The following CCNY variants were observed in gnomAD, a reference collection of about 807,000 sequenced individuals.
The protein encoded by CCNY is cyclin Y, also known as cyclin-Y.
A neutral mutation model predicts 42.8 loss-of-function variants in CCNY; 19 were observed. That is an observed-to-expected ratio of 0.44 (90% CI 0.31 to 0.65). The LOEUF (loss-of-function observed/expected upper bound fraction) is 0.65. Among genes scored for constraint, CCNY ranks in the 30% least tolerant of loss-of-function variants. CCNY has a pLI of 0.07. For missense variants in CCNY, 370 were observed against 437.3 expected, an observed-to-expected ratio of 0.85 and a Z score of 1.37; for synonymous variants, 165 against 162.7, an observed-to-expected ratio of 1.01 and a Z score of -0.11.
At chr10:35,454,454 T>G (rs757667129) in intron 1 of CCNY, among the ~76,000 whole-genome samples, 2 of 152,188 alleles carry the variant, frequency 1.3e-5, no homozygotes, top group Non-Finnish European at 2.9e-5. Flanking sequence ...TCAACCAGGG[T>G]GAAATGCAGC....
intron 1 of CCNY, among the ~76,000 whole-genome samples, chr10:35,395,316 A>G (rs1837499957): frequency 6.6e-6 from 1 of 152,194 alleles, no homozygotes; most frequent in African/African-American, 2.4e-5. Flanking sequence ...TTACTCAGGA[A>G]AACTATTGCA....
At chr10:35,388,331 T>C (rs908435777) in intron 1 of CCNY, among the ~76,000 whole-genome samples, 9 of 152,230 alleles carry the variant, frequency 5.9e-5, no homozygotes, top group South Asian at 2.1e-4. Flanking sequence ...TGAACACTTA[T>C]ATATGTGGCA....
At chr10:35,538,118 T>C (rs1207373889) in intron 7 of CCNY, among the ~76,000 whole-genome samples, 1 of 152,230 alleles carries the variant, frequency 6.6e-6, no homozygotes, top group Non-Finnish European at 1.5e-5. Flanking sequence ...TCATTCTCTC[T>C]CTGCCTGCTG....
chr10:35,568,605 G>A (rs1841619287), intron 9 of CCNY, among the ~76,000 whole-genome samples: 1 of 152,210 alleles, frequency 6.6e-6, no homozygotes, highest in African/African-American at 2.4e-5. Context: ...AGCTGTCTTT[G>A]CCGCCAGCGG....
At chr10:35,322,670 A>G (rs1835834392) in intron 3 of CCNY, among the ~76,000 whole-genome samples, 1 of 152,234 alleles carries the variant, frequency 6.6e-6, no homozygotes, top group Non-Finnish European at 1.5e-5. Flanking sequence ...ACCCAACTAA[A>G]TTGGAAAAGA....
chr10:35,456,248 T>C (rs1839033353), intron 1 of CCNY, among the ~76,000 whole-genome samples: 2 of 152,190 alleles, frequency 1.3e-5, no homozygotes, highest in East Asian at 3.9e-4. Flanking sequence ...TCTGTGTCTG[T>C]CTCCCTCAGT....
Position 35,256,712 on chromosome 10 carries a change from CAG to C in CCNY, c.-9+6094_-9+6095del, listed in dbSNP as rs1188236932. On this transcript the variant is annotated intron_variant, in intron 3 of 11. Transcript: ENST00000374706. ...TGCCACTGAACTCCAGCCTGGGCGACAGAGAGAGACTCTGTCTCAAAAATAAA... is the reference window on the plus strand; with the variant it reads ...TGCCACTGAACTCCAGCCTGGGCGACAGAGAGACTCTGTCTCAAAAATAAA... 6.1e-5 allele frequency among the ~76,000 whole-genome samples: 9 copies of C among 147,980 alleles called. No homozygotes were observed. In the Admixed American group the frequency reaches 6.2e-4, roughly 10 times the overall value.
chr10:35,295,977 T>G (rs1003554464), intron 3 of CCNY, among the ~76,000 whole-genome samples: 6 of 152,190 alleles, frequency 3.9e-5, no homozygotes, highest in African/African-American at 1.4e-4. Flanking sequence ...TTGAAACTAA[T>G]GAGAACAAAG....
chr10:35,306,562 T>A (rs113508789), intron 3 of CCNY, among the ~76,000 whole-genome samples: 1 of 152,042 alleles, frequency 6.6e-6, no homozygotes, highest in African/African-American at 2.4e-5. Context: ...ATGAATGAAG[T>A]TTGTGGGTCA....
chr10:35,330,752 TTTTA>T (rs1209008403), intron 3 of CCNY, among the ~76,000 whole-genome samples: 2 of 138,888 alleles, frequency 1.4e-5, no homozygotes, highest in African/African-American at 5.5e-5. Flanking sequence ...AAGAGGCAGC[TTTTA>T]TTTTTTTTTT....
intron 1 of CCNY, among the ~76,000 whole-genome samples, chr10:35,382,791 T>C (rs1589078286): frequency 6.6e-6 from 1 of 152,332 alleles, no homozygotes; most frequent in East Asian, 1.9e-4. Flanking sequence ...AAGGTTGTTG[T>C]GAAAACTATG....
At chr10:35,257,315 GT>G (rs544963288) in intron 3 of CCNY, among the ~76,000 whole-genome samples, 21 of 88,772 alleles carry the variant, frequency 2.4e-4, no homozygotes, top group Middle Eastern at 6.6e-3. Flanking sequence ...CTTTCTTTCT[GT>G]TTTTTTTTTT....
intron 3 of CCNY, among the ~76,000 whole-genome samples, chr10:35,310,068 G>C (rs1835665392): frequency 6.6e-6 from 1 of 152,116 alleles, no homozygotes; most frequent in Non-Finnish European, 1.5e-5. Flanking sequence ...CCAAAGTGCT[G>C]GGATTACAGG....
At chr10:35,311,993 T>A (rs1041466478) in intron 3 of CCNY, among the ~76,000 whole-genome samples, 1 of 147,634 alleles carries the variant, frequency 6.8e-6, no homozygotes, top group African/African-American at 2.5e-5. Context: ...CTAAAAAAAA[T>A]TTTTTTGTTT....
intron 1 of CCNY, among the ~76,000 whole-genome samples, chr10:35,473,913 CAGTG>C (rs1480588010): frequency 2.6e-5 from 4 of 152,114 alleles, no homozygotes; most frequent in African/African-American, 7.2e-5. Context: ...GAGTGCCAGA[CAGTG>C]AGCGCAGGTC....
At chr10:35,363,811 G>T (rs1362339865) in intron 1 of CCNY, among the ~76,000 whole-genome samples, 1 of 152,180 alleles carries the variant, frequency 6.6e-6, no homozygotes, top group Non-Finnish European at 1.5e-5. Context: ...ATATAATTTT[G>T]TGCCTGAAGG....
intron 7 of CCNY, among the ~76,000 whole-genome samples, chr10:35,552,072 G>C (rs1234934970): frequency 1.3e-5 from 2 of 152,216 alleles, no homozygotes; most frequent in Non-Finnish European, 2.9e-5. Flanking sequence ...TTGTACACCA[G>C]TGTTCATAGC....
chr10:35,335,799 C>G (rs1836010174), upstream of CCNY: 1 of 152,296 alleles, frequency 6.6e-6, no homozygotes, highest in African/African-American at 2.4e-5. Context: ...AACACACATA[C>G]ACACCCTACC....
chr10:35,295,889 T>C (rs1372370635), intron 3 of CCNY, among the ~76,000 whole-genome samples: 2 of 152,206 alleles, frequency 1.3e-5, no homozygotes, highest in Non-Finnish European at 2.9e-5. Context: ...CATTCCTCTG[T>C]TGATAGATAT....
Sources: allele counts gnomAD v4.1 joint callset (sites outside exome capture counted in the v4.1 genomes callset), GRCh38; gene constraint gnomAD v4.1.1; transcripts MANE v1.5; gene names NCBI Gene and HGNC (gene_info 2026-07-23, HGNC 2026-07-21).